The following ADGRA2 variants were observed in gnomAD, a reference collection of about 807,000 sequenced individuals.
The protein encoded by ADGRA2 is G-protein coupled receptor 124.
A neutral mutation model predicts 98.7 loss-of-function variants in ADGRA2; 61 were observed. That is an observed-to-expected ratio of 0.62 (90% CI 0.50 to 0.76). ADGRA2 has a LOEUF of 0.76. Among genes scored for constraint, ADGRA2 ranks in the 30% least tolerant of loss-of-function variants. The pLI is 0.00. For missense variants in ADGRA2, 1,712 were observed against 1,860.0 expected (o/e 0.92, Z 1.46); for synonymous variants, 858 against 831.5 (o/e 1.03, Z -0.55).
rs1805900575 is a variant in ADGRA2 at position 37,844,110 on chromosome 8, C to T, written c.*1755C>T. 4.4e-6 allele frequency: 1 copy of T among 229,748 alleles called. No individual in the cohort carries two copies. Among genetic ancestry groups the T allele is most frequent in the South Asian group, 8.1e-5 (1 of 12,320 alleles). The allele number at this position is 229,748 out of a possible 1,614,324, so 14.2% of individuals were successfully genotyped here. A position where few individuals can be genotyped will look rare whatever the true frequency, so the allele number is the denominator to read the frequency against. On this transcript the variant is annotated 3_prime_UTR_variant, in exon 19 of 19. Transcript: ENST00000412232. ...CCCGCTCCTCTGAGGGTTGATACTGCTGGGAATGCCAACCACTCCACAAGC... is the reference window on the plus strand; with the variant it reads ...CCCGCTCCTCTGAGGGTTGATACTGTTGGGAATGCCAACCACTCCACAAGC...
At chr8:37,829,665 C>T (rs540744440) in intron 5 of ADGRA2, 106 bp downstream of exon 5, 1 of 989,876 alleles carries the variant, frequency 1.0e-6, no homozygotes, top group Non-Finnish European at 1.6e-6. Context: ...CGAGTGGCCA[C>T]AGCAGACAGT....
chr8:37,833,584 TG>T (rs1369447592), intron 9 of ADGRA2, 103 bp from the exon 10 acceptor site: 1 of 1,217,880 alleles, frequency 8.2e-7, no homozygotes, highest in Non-Finnish European at 1.2e-6. Context: ...GCTGGACTCC[TG>T]TCCCCAGGCA....
chr8:37,813,816 G>A (rs1196653097), intron 1 of ADGRA2, among the ~76,000 whole-genome samples: 1 of 152,210 alleles, frequency 6.6e-6, no homozygotes, highest in Non-Finnish European at 1.5e-5. Context: ...TCTCCCCACT[G>A]CCCCTGGTCT....
chr8:37,837,014 G>T (rs1242908866), intron 13 of ADGRA2, among the ~76,000 whole-genome samples: 4 of 152,238 alleles, frequency 2.6e-5, no homozygotes, highest in Non-Finnish European at 5.9e-5. Context: ...TCAGCAGAGA[G>T]GACAGGCAGT....
chr8:37,811,474 C>CTTTTTTTTTTTT (rs34759771), intron 1 of ADGRA2, among the ~76,000 whole-genome samples: 12 of 112,222 alleles, frequency 1.1e-4, no homozygotes, highest in African/African-American at 4.2e-4. Flanking sequence ...ACCCAGCCAA[C>CTTTTTTTTTTTT]TTTTTTTTTT....
Position 37,829,329 on chromosome 8 carries a change from G to T in ADGRA2, c.479G>T (p.Arg160Leu). The change falls in exon 4 of 19, where the codon CGA becomes CTA. Residue 160 changes from arginine (R) to leucine (L), a missense_variant. By Grantham distance (102) the Arg-to-Leu change is moderately radical. Transcript: ENST00000412232. The part of the protein sequence containing the change: ...ETFQGLPRLL[R>L]LNISGNIFSS... ...TTCCAGGGCCTCCCCAGGCTTCTCC[G>T]ACTGTAAGTGATGGGGTGAGAAGTG... 1 of 1,612,040 alleles carries T rather than the reference G, an allele frequency of 6.2e-7. No individual in the cohort carries two copies. Among genetic ancestry groups the T allele is most frequent in the Non-Finnish European group, 8.5e-7 (1 of 1,178,532 alleles).
rs749742488 is a variant in ADGRA2, at chr8:37,831,432, G to A, written c.942G>A (p.Thr314=). 32 of 1,611,022 alleles carry A rather than the reference G, an allele frequency of 2.0e-5. 1 individual carries two copies. The East Asian group carries it at 5.6e-4, about 28-fold the overall frequency. Reference sequence around the variant, plus strand: ...CACCTGCCACCCGCAGTGAGCTGACGCTGTCTCACATCGGCGTGTGGGCCT... The same window carrying A: ...CACCTGCCACCCGCAGTGAGCTGACACTGTCTCACATCGGCGTGTGGGCCT... ...HDCTFITSEL[T]LSHIGVWASG... Residue 314 remains threonine (T), a synonymous_variant, in exon 8 of 19, where the codon ACG becomes ACA. Transcript: ENST00000412232.
Position 37,841,857 on chromosome 8 carries a change from C to G in ADGRA2, c.3519C>G (p.Pro1173=). The change falls in exon 19 of 19, where the codon CCC becomes CCG. Residue 1173 remains proline, a synonymous_variant. Transcript: ENST00000412232. This position sits in a 1 kb window ranked among gnomAD's most constrained non-coding sequence, Gnocchi z 5.0. ...GTRGNLAHRH[P]NNVHHGRRAH... is the part of the protein sequence containing the mutation. ...GGGGAAACCTCGCCCACCGCCACCC[C>G]AACAACGTGCACCACGGGCGTCGGG... The G allele has an allele frequency of 1.3e-6, 2 of 1,534,174 alleles. No individual in the cohort carries two copies. Among genetic ancestry groups the G allele is most frequent in the East Asian group, 2.5e-5 (1 of 40,724 alleles).
chr8:37,822,842 C>T (rs1316472791), intron 2 of ADGRA2, among the ~76,000 whole-genome samples: 5 of 151,972 alleles, frequency 3.3e-5, no homozygotes, highest in African/African-American at 7.3e-5. Context: ...TGTATGACTA[C>T]ACCACATTTT....
At position 37,842,844 on chromosome 8, in the gene ADGRA2, T is replaced by G; in HGVS notation, c.*489T>G. On this transcript the variant is annotated 3_prime_UTR_variant, in exon 19 of 19. Coordinates refer to ENST00000412232, the MANE Select transcript of ADGRA2 (RefSeq NM_032777.10). Reference sequence around the variant, plus strand: ...TCCCGAGTTTGGCTGGCACGAGAGCTAGCCCAGCACATGAAGCAGGTGATG... The same window carrying G: ...TCCCGAGTTTGGCTGGCACGAGAGCGAGCCCAGCACATGAAGCAGGTGATG... 1 of 155,116 alleles carries G rather than the reference T, an allele frequency of 6.4e-6. No individual in the cohort carries two copies. The highest frequency in any genetic ancestry group is 1.4e-5 in the Non-Finnish European group (1 of 69,808). The allele number at this position is 155,116 out of a possible 1,614,324, so 9.6% of individuals were successfully genotyped here. A position where few individuals can be genotyped will look rare whatever the true frequency, so the allele number is the denominator to read the frequency against.
rs191724063 is a variant in ADGRA2, at chr8:37,844,063, G to A, written c.*1708G>A. On this transcript the variant is annotated 3_prime_UTR_variant, in exon 19 of 19. Coordinates refer to ENST00000412232, the MANE Select transcript of ADGRA2 (RefSeq NM_032777.10). ...AACCCATCATTGCCTGTGAATGCAC[G>A]TAGGGCCAGAATTCCCCAGTTCCCG... The A allele has an allele frequency of 1.1e-3, 195 of 185,678 alleles. No homozygotes were observed. Among genetic ancestry groups the A allele is most frequent in the Middle Eastern group, 7.9e-3 (3 of 382 alleles). 11.5% of individuals were successfully genotyped at this position (185,678 alleles called of 1,614,324 possible). A position where few individuals can be genotyped will look rare whatever the true frequency, so the allele number is the denominator to read the frequency against.
chr8:37,829,096 T>C (rs1585395992), intron 3 of ADGRA2, 137 bp downstream of exon 3: 1 of 584,674 alleles, frequency 1.7e-6, no homozygotes. Context: ...TTGGCTGGGG[T>C]CAAAGGAGCT....
intron 17 of ADGRA2, 112 bp downstream of exon 17, chr8:37,840,378 C>CCGTCTTTGGAGAGTG: frequency 8.4e-7 from 1 of 1,184,528 alleles, no homozygotes; most frequent in Non-Finnish European, 1.2e-6. Flanking sequence ...GATCACTCTC[C>CCGTCTTTGGAGAGTG]AAAGACGGGG....
At chr8:37,820,955 C>A (rs1484779131) in intron 2 of ADGRA2, among the ~76,000 whole-genome samples, 1 of 152,036 alleles carries the variant, frequency 6.6e-6, no homozygotes, top group African/African-American at 2.4e-5. Context: ...GGGCACACAC[C>A]TTTATCAGCC....
Position 37,828,894 on chromosome 8 carries a change from G to C in ADGRA2, c.345G>C (p.Leu115=), listed in dbSNP as rs780871804. 6.2e-7 allele frequency: 1 copy of C among 1,600,128 alleles called. No individual in the cohort carries two copies. The highest frequency in any genetic ancestry group is 8.5e-7 in the Non-Finnish European group (1 of 1,174,290). The change falls in exon 3 of 19, where the codon CTG becomes CTC. Residue 115 remains leucine, a synonymous_variant. Coordinates refer to ENST00000412232, the MANE Select transcript of ADGRA2 (RefSeq NM_032777.10). ...TCTGCACTTGCCTCTGCAGGGACCT[G>C]AGGAACAACATCATCAGCACAGTGC... ...LGLSLLEKLD[L]RNNIISTVQP...
Position 37,831,449 on chromosome 8 carries a change from T to C in ADGRA2, c.959T>C (p.Val320Ala). 1 of 1,612,640 alleles carries C rather than the reference T, an allele frequency of 6.2e-7. No individual in the cohort carries two copies. The highest frequency in any genetic ancestry group is 8.5e-7 in the Non-Finnish European group (1 of 1,179,990). ...GAGCTGACGCTGTCTCACATCGGCG[T>C]GTGGGCCTCAGGCGAGTGGGAGTGC... ...TSELTLSHIG[V>A]WASGEWECTV... Residue 320 changes from valine (V) to alanine (A), a missense_variant, in exon 8 of 19, where the codon GTG becomes GCG. By Grantham distance (64) the Val-to-Ala change is moderately conservative (BLOSUM62 0). Transcript: ENST00000412232.
At chr8:37,800,908 C>T (rs1464718541) in intron 1 of ADGRA2, among the ~76,000 whole-genome samples, 2 of 152,174 alleles carry the variant, frequency 1.3e-5, no homozygotes, top group African/African-American at 2.4e-5. Flanking sequence ...TGCATTTTGG[C>T]TTTATCCTCC....
In ADGRA2 at chr8:37,828,946, G is replaced by A. The variant is rs751263844; in HGVS notation, c.397G>A (p.Glu133Lys). Residue 133 changes from glutamate (E) to lysine (K), a missense_variant, in exon 3 of 19, where the codon GAG becomes AAG. By Grantham distance (56) the Glu-to-Lys change is moderately conservative. Transcript: ENST00000412232. ...GCCGGGCGCCTTCCTGGGCCTGGGG[G>A]AGCTGAAGCGTTTGTGAGTGGCACG... ...VQPGAFLGLG[E>K]LKRLDLSNNR... The A allele has an allele frequency of 3.2e-6, 5 of 1,576,866 alleles. 1 individual carries two copies. The highest frequency in any genetic ancestry group is 2.4e-5 in the South Asian group (2 of 84,702).
At chr8:37,815,531 C>T (rs1478550234) in intron 2 of ADGRA2, among the ~76,000 whole-genome samples, 2 of 152,250 alleles carry the variant, frequency 1.3e-5, no homozygotes, top group African/African-American at 4.8e-5. Flanking sequence ...GGGCGTTCCC[C>T]GCTAGCCGGC....
Sources: allele counts gnomAD v4.1 joint callset (sites outside exome capture counted in the v4.1 genomes callset), GRCh38; gene constraint gnomAD v4.1.1; non-coding constraint Gnocchi (gnomAD v3.1); transcripts MANE v1.5; gene names NCBI Gene and HGNC (gene_info 2026-07-23, HGNC 2026-07-21).